The following GTF2B variants were observed in gnomAD, a reference collection of about 807,000 sequenced individuals.
GTF2B encodes general transcription factor IIB.
A neutral mutation model predicts 34.6 loss-of-function variants in GTF2B; 20 were observed. That is an observed-to-expected ratio of 0.58 (90% CI 0.41 to 0.84). GTF2B has a LOEUF of 0.84. Ranked by LOEUF, GTF2B falls within the 40% of genes least tolerant of loss-of-function variation. The pLI, the probability that GTF2B is intolerant of heterozygous loss-of-function variation, is 0.00. For synonymous variants in GTF2B, 142 were observed against 132.4 expected (o/e 1.07, Z -0.50); for missense variants, 237 against 393.3 (o/e 0.60, Z 3.36).
At chr1:88,856,286 A>AAAAAAAAAAAAAAAAAG (rs1673309323) in intron 6 of GTF2B, among the ~76,000 whole-genome samples, 1 of 100,574 alleles carries the variant, frequency 9.9e-6, no homozygotes, top group Non-Finnish European at 1.9e-5. Context: ...AAAAAAAAAA[A>AAAAAAAAAAAAAAAAAG]AAAACAAAAA....
At chr1:88,854,607 A>G (rs112188051) in intron 6 of GTF2B, among the ~76,000 whole-genome samples, 5 of 152,174 alleles carry the variant, frequency 3.3e-5, no homozygotes, top group African/African-American at 1.2e-4. Context: ...GGTTCAAGCA[A>G]TTCTCCTGCC....
Position 88,859,117 on chromosome 1 carries a change from C to T in GTF2B, c.535+765G>A, listed in dbSNP as rs543050697. Among the ~76,000 whole-genome samples the T allele has an allele frequency of 4.7e-4, 71 of 152,248 alleles. 1 individual carries two copies. In the South Asian group the frequency reaches 0.015, roughly 31 times the overall value. ...TCCTGGCCTCATGACCCAACCACCT[C>T]GGCCTCCCAAAGTTCTGGGATTACA... On this transcript the variant is annotated intron_variant, in intron 5 of 6. Coordinates refer to ENST00000370500, the MANE Select transcript of GTF2B (RefSeq NM_001514.6).
chr1:88,881,985 A>G (rs1673956147), intron 2 of GTF2B, among the ~76,000 whole-genome samples: 1 of 152,072 alleles, frequency 6.6e-6, no homozygotes, highest in Non-Finnish European at 1.5e-5. Flanking sequence ...GCTGGTGGGA[A>G]GGCTGAAAAT....
intron 6 of GTF2B, among the ~76,000 whole-genome samples, chr1:88,855,977 G>A (rs1042211777): frequency 2.6e-5 from 4 of 152,170 alleles, no homozygotes; most frequent in Non-Finnish European, 4.4e-5. Flanking sequence ...AACTTTAAAA[G>A]GGAGTTAGTG....
chr1:88,888,136 A>G (rs980873486), intron 1 of GTF2B: 14 of 152,360 alleles, frequency 9.2e-5, no homozygotes, highest in African/African-American at 3.4e-4. Context: ...TCTTGGTATC[A>G]CTGCAAATAA....
intron 3 of GTF2B, among the ~76,000 whole-genome samples, chr1:88,860,688 A>G (rs565534100): frequency 1.3e-5 from 2 of 152,332 alleles, no homozygotes; most frequent in Admixed American, 6.5e-5. Flanking sequence ...TAATAGATGT[A>G]AGAAGAAAAA....
At chr1:88,879,722 T>C (rs527561134) in intron 2 of GTF2B, among the ~76,000 whole-genome samples, 71 of 151,864 alleles carry the variant, frequency 4.7e-4, no homozygotes, top group African/African-American at 1.6e-3. Flanking sequence ...TGACAATGGG[T>C]TGTCCTAATT....
At chr1:88,888,394 T>C (rs1674124129) in intron 1 of GTF2B, among the ~76,000 whole-genome samples, 1 of 152,186 alleles carries the variant, frequency 6.6e-6, no homozygotes, top group Admixed American at 6.5e-5. Flanking sequence ...CTAGAATATG[T>C]CTTGAATCTT....
intron 2 of GTF2B, among the ~76,000 whole-genome samples, chr1:88,881,076 A>C (rs1424914197): frequency 6.6e-6 from 1 of 151,312 alleles, no homozygotes; most frequent in African/African-American, 2.4e-5. Context: ...CACAAAGCCT[A>C]CATTGAACAG....
intron 1 of GTF2B, 63 bp from the exon 2 acceptor site, chr1:88,887,430 G>T: frequency 3.3e-6 from 3 of 917,244 alleles, no homozygotes; most frequent in Non-Finnish European, 3.6e-6. Context: ...TAATCTTCTG[G>T]GATGGGGGAT....
chr1:88,875,097 C>CT (rs1217750123), intron 2 of GTF2B, among the ~76,000 whole-genome samples: 2 of 152,130 alleles, frequency 1.3e-5, no homozygotes, highest in Admixed American at 1.3e-4. Flanking sequence ...AATTTTTAGT[C>CT]TAGGGTCACT....
chr1:88,872,860 CATA>C (rs1266660669), intron 2 of GTF2B, among the ~76,000 whole-genome samples: 1 of 152,080 alleles, frequency 6.6e-6, no homozygotes, highest in African/African-American at 2.4e-5. Context: ...AGAAATCTTC[CATA>C]ATATTTCAAT....
intron 3 of GTF2B, among the ~76,000 whole-genome samples, chr1:88,862,343 A>T (rs919336104): frequency 2.8e-4 from 42 of 152,108 alleles, no homozygotes; most frequent in African/African-American, 9.7e-4. Flanking sequence ...AAGAATTGGG[A>T]CAAGCCTGGG....
At chr1:88,887,015 T>A (rs1202465705) in intron 2 of GTF2B, among the ~76,000 whole-genome samples, 1 of 151,676 alleles carries the variant, frequency 6.6e-6, no homozygotes, top group Non-Finnish European at 1.5e-5. Context: ...GCCTCCTGGG[T>A]TCAAGCCATT....
intron 1 of GTF2B, among the ~76,000 whole-genome samples, chr1:88,889,679 T>C (rs76283565): frequency 0.016 from 2,453 of 152,260 alleles, 62 homozygotes; most frequent in African/African-American, 0.055. Flanking sequence ...TTTCATGGCC[T>C]AGTGACAATA....
chr1:88,854,662 AT>A (rs1395531374), intron 6 of GTF2B, among the ~76,000 whole-genome samples: 2 of 152,000 alleles, frequency 1.3e-5, no homozygotes, highest in Non-Finnish European at 2.9e-5. Context: ...TGCCCAGCTA[AT>A]TTTTGTATTT....
intron 2 of GTF2B, among the ~76,000 whole-genome samples, chr1:88,880,105 T>C (rs1570733897): frequency 1.3e-5 from 2 of 152,052 alleles, no homozygotes; most frequent in African/African-American, 4.8e-5. Flanking sequence ...AAAATGGGAC[T>C]GTCCAAAAAC....
At chr1:88,887,190 A>G in intron 2 of GTF2B, 71 bp downstream of exon 2, 2 of 972,276 alleles carry the variant, frequency 2.1e-6, no homozygotes, top group Non-Finnish European at 3.2e-6. Context: ...AAGTGCTGGA[A>G]TTACAGGCGT....
At chr1:88,871,335 G>A (rs1027037012) in intron 2 of GTF2B, among the ~76,000 whole-genome samples, 1 of 152,116 alleles carries the variant, frequency 6.6e-6, no homozygotes, top group Non-Finnish European at 1.5e-5. Flanking sequence ...TAAAATGAAG[G>A]TTTATTTCTT....
Sources: gnomAD v4.1 joint callset for allele counts (sites outside exome capture counted in the v4.1 genomes callset) on GRCh38, gnomAD v4.1.1 for gene constraint, MANE v1.5 for transcripts, NCBI Gene and HGNC (gene_info 2026-07-23, HGNC 2026-07-21) for gene names.